The following DOCK4 variants were observed in gnomAD, a reference collection of about 807,000 sequenced individuals.
DOCK4 encodes dedicator of cytokinesis protein 4.
In DOCK4, 97 loss-of-function variants were observed where a neutral mutation model predicts 268.1. The observed-to-expected ratio is 0.36, with a 90% CI of 0.31 to 0.43. DOCK4 has a LOEUF of 0.43. Ranked by LOEUF, DOCK4 falls within the 20% of genes least tolerant of loss-of-function variation. The pLI, the probability that DOCK4 is intolerant of heterozygous loss-of-function variation, is 1.00. For synonymous variants in DOCK4, 954 were observed against 887.2 expected (o/e 1.08, Z -1.34); for missense variants, 2,145 against 2,455.7 (o/e 0.87, Z 2.67).
intron 7 of DOCK4, among the ~76,000 whole-genome samples, chr7:111,983,496 T>C (rs2135168658): frequency 6.6e-6 from 1 of 152,250 alleles, no homozygotes; most frequent in South Asian, 2.1e-4. Flanking sequence ...CCCTCTTCTC[T>C]GATTTTGGAT....
intron 23 of DOCK4, among the ~76,000 whole-genome samples, chr7:111,860,108 A>G (rs2134168272): frequency 6.6e-6 from 1 of 152,304 alleles, no homozygotes; most frequent in Non-Finnish European, 1.5e-5. Flanking sequence ...CTGTTCTCTG[A>G]CACTGTCTGT....
intron 51 of DOCK4, 114 bp downstream of exon 51, chr7:111,734,940 G>T: frequency 1.2e-6 from 1 of 813,382 alleles, no homozygotes; most frequent in Non-Finnish European, 2.0e-6. Context: ...AGCTACTAAG[G>T]TTTTTATCCC....
chr7:111,962,743 A>C (rs1196671151), intron 8 of DOCK4, among the ~76,000 whole-genome samples: 2 of 152,224 alleles, frequency 1.3e-5, no homozygotes, highest in Admixed American at 6.5e-5. Context: ...GGCAATACAA[A>C]ATTTATATGG....
intron 1 of DOCK4, among the ~76,000 whole-genome samples, chr7:112,121,526 T>A (rs1433169323): frequency 1.3e-5 from 2 of 152,232 alleles, no homozygotes; most frequent in Non-Finnish European, 2.9e-5. Context: ...AGCATTAGGT[T>A]CAATTTTCTT....
chr7:111,737,965 A>G (rs1795620992), intron 49 of DOCK4, among the ~76,000 whole-genome samples: 1 of 152,216 alleles, frequency 6.6e-6, no homozygotes, highest in African/African-American at 2.4e-5. Context: ...CACAATCAGC[A>G]AAGACAAACC....
At chr7:111,827,833 G>A (rs965668802) in intron 26 of DOCK4, among the ~76,000 whole-genome samples, 2 of 152,172 alleles carry the variant, frequency 1.3e-5, no homozygotes, top group African/African-American at 4.8e-5. Flanking sequence ...ACTTCGTCCT[G>A]CAAGGAATGG....
intron 30 of DOCK4, among the ~76,000 whole-genome samples, chr7:111,803,365 G>T (rs1220122977): frequency 2.0e-5 from 3 of 152,168 alleles, no homozygotes; most frequent in Non-Finnish European, 2.9e-5. Context: ...TCATTTAAAT[G>T]ATTTCTTTTT....
intron 1 of DOCK4, among the ~76,000 whole-genome samples, chr7:112,056,348 G>A (rs890074575): frequency 1.3e-5 from 2 of 152,246 alleles, no homozygotes; most frequent in East Asian, 1.9e-4. Flanking sequence ...AAAAATAAGT[G>A]TATGCTTTTA....
At position 111,883,463 on chromosome 7, in the gene DOCK4, G is replaced by C. The variant is rs182790932; in HGVS notation, c.1588-6277C>G. 3.9e-5 allele frequency among the ~76,000 whole-genome samples: 6 copies of C among 152,160 alleles called. No homozygotes were observed. The East Asian group carries it at 1.2e-3, about 29-fold the overall frequency. ...CTCCTCAGGATTTGGAGCCTGCCCTGGTCTAGTATGATCCATCTGTTCACA... is the reference window on the plus strand; with the variant it reads ...CTCCTCAGGATTTGGAGCCTGCCCTCGTCTAGTATGATCCATCTGTTCACA... On this transcript the variant is annotated intron_variant, in intron 16 of 52. Transcript: ENST00000428084.
chr7:111,907,478 C>T (rs962551960), intron 13 of DOCK4, among the ~76,000 whole-genome samples: 7 of 151,590 alleles, frequency 4.6e-5, no homozygotes, highest in African/African-American at 1.7e-4. Flanking sequence ...GCAGTGGGGA[C>T]CGTAAGCTTC....
rs186146697 is a variant in DOCK4 at position 112,014,818 on chromosome 7, T to C, written c.38-10687A>G. ...TATTCAAGAGGTTGAGGTAGAAGGA[T>C]TGCTTGAGCCCAGGTGTTCCAGGCT... is the stretch of plus-strand genomic sequence containing the variant. On this transcript the variant is annotated intron_variant, in intron 1 of 52. Transcript: ENST00000428084. 1.2e-4 allele frequency among the ~76,000 whole-genome samples: 18 copies of C among 152,164 alleles called. No homozygotes were observed. The East Asian group carries it at 2.9e-3, about 25-fold the overall frequency.
At chr7:111,852,703 G>A (rs1804681872) in intron 23 of DOCK4, among the ~76,000 whole-genome samples, 1 of 152,138 alleles carries the variant, frequency 6.6e-6, no homozygotes, top group African/African-American at 2.4e-5. Context: ...ATTTGTGTGT[G>A]GCATGTATAC....
At chr7:112,066,691 A>G (rs28599879) in intron 1 of DOCK4, among the ~76,000 whole-genome samples, 578 of 6,096 alleles carry the variant, frequency 0.095, 43 homozygotes, top group African/African-American at 0.2. Context: ...ATACATATAC[A>G]TATATATATA....
intron 31 of DOCK4, 126 bp from the exon 32 acceptor site, chr7:111,788,873 G>T: frequency 1.2e-6 from 1 of 815,252 alleles, no homozygotes. Flanking sequence ...GACATTATCA[G>T]CTACGGTTAA....
At chr7:111,922,401 T>C (rs1793217396) in intron 12 of DOCK4, among the ~76,000 whole-genome samples, 1 of 152,244 alleles carries the variant, frequency 6.6e-6, no homozygotes, top group South Asian at 2.1e-4. Flanking sequence ...TTGACTTAAA[T>C]ACTAAATTTA....
At chr7:111,759,625 A>G (rs1797251301) in intron 40 of DOCK4, among the ~76,000 whole-genome samples, 1 of 152,112 alleles carries the variant, frequency 6.6e-6, no homozygotes, top group Non-Finnish European at 1.5e-5. Flanking sequence ...TTTGTCTCTA[A>G]CACCTATATA....
intron 10 of DOCK4, 116 bp downstream of exon 10, chr7:111,944,695 T>C (rs1361084085): frequency 4.9e-6 from 5 of 1,010,668 alleles, no homozygotes; most frequent in African/African-American, 1.6e-5. Flanking sequence ...TGGATTCAAA[T>C]CTGGCTTTGA....
intron 1 of DOCK4, among the ~76,000 whole-genome samples, chr7:112,201,990 C>A (rs942309274): frequency 1.3e-5 from 2 of 152,170 alleles, no homozygotes; most frequent in Non-Finnish European, 2.9e-5. Context: ...TACTATAATA[C>A]CCTCCACATT....
intron 16 of DOCK4, among the ~76,000 whole-genome samples, chr7:111,889,244 A>C (rs1344174179): frequency 6.6e-6 from 1 of 152,146 alleles, no homozygotes; most frequent in Admixed American, 6.6e-5. Context: ...ACAGCATGTA[A>C]TGAATGAAGT....
Sources: gnomAD v4.1 joint callset for allele counts (sites outside exome capture counted in the v4.1 genomes callset) on GRCh38, gnomAD v4.1.1 for gene constraint, MANE v1.5 for transcripts, NCBI Gene and HGNC (gene_info 2026-07-23, HGNC 2026-07-21) for gene names.